The following CDC42BPA variants were observed in gnomAD, a reference collection of about 807,000 sequenced individuals.
CDC42BPA encodes CDC42 binding protein kinase alpha, also known as serine/threonine-protein kinase MRCK alpha.
In CDC42BPA, 80 loss-of-function variants were observed where a neutral mutation model predicts 223.5. That is an observed-to-expected ratio of 0.36 (90% CI 0.30 to 0.43). The LOEUF is 0.43. Among genes scored for constraint, CDC42BPA ranks in the 20% least tolerant of loss-of-function variants. CDC42BPA has a pLI of 1.00. For missense variants in CDC42BPA, 1,743 were observed against 2,099.9 expected (o/e 0.83, Z 3.32); for synonymous variants, 694 against 718.6 (o/e 0.97, Z 0.55).
At chr1:227,007,480 C>G (rs1558267036) in intron 34 of CDC42BPA, among the ~76,000 whole-genome samples, 1 of 152,096 alleles carries the variant, frequency 6.6e-6, no homozygotes, top group Non-Finnish European at 1.5e-5. Context: ...GTGAATTCAC[C>G]AGATACTAAT....
intron 5 of CDC42BPA, among the ~76,000 whole-genome samples, chr1:227,177,127 GA>G (rs141253636): frequency 0.034 from 1,909 of 56,438 alleles, 33 homozygotes; most frequent in Admixed American, 0.072. Flanking sequence ...AAAGATGTAA[GA>G]AAAAAAAAAT....
At chr1:227,090,515 G>A (rs922623851) in intron 16 of CDC42BPA, among the ~76,000 whole-genome samples, 7 of 152,050 alleles carry the variant, frequency 4.6e-5, no homozygotes, top group African/African-American at 1.2e-4. Context: ...TGGGCTGGGC[G>A]CAGTGGCTCA....
At chr1:227,182,017 G>C (rs1490375788) in intron 5 of CDC42BPA, among the ~76,000 whole-genome samples, 1 of 152,014 alleles carries the variant, frequency 6.6e-6, no homozygotes, top group Admixed American at 6.6e-5. Context: ...TTAAATATAA[G>C]GGGAAAATGA....
intron 3 of CDC42BPA, among the ~76,000 whole-genome samples, chr1:227,211,962 T>C (rs1232473083): frequency 6.6e-6 from 1 of 152,140 alleles, no homozygotes; most frequent in African/African-American, 2.4e-5. Flanking sequence ...AAAGTAATAA[T>C]GACCTCTGGG....
chr1:227,214,378 T>C (rs1197927415), intron 2 of CDC42BPA, among the ~76,000 whole-genome samples: 3 of 152,344 alleles, frequency 2.0e-5, no homozygotes, highest in East Asian at 1.9e-4. Flanking sequence ...ACTGTGATTA[T>C]AGTTTTTCAT....
At chr1:227,302,742 A>G (rs989908986) in intron 1 of CDC42BPA, among the ~76,000 whole-genome samples, 2 of 151,704 alleles carry the variant, frequency 1.3e-5, no homozygotes, top group Admixed American at 1.3e-4. Context: ...AATTCCTATC[A>G]TTCATCAGAT....
chr1:227,059,207 A>G (rs968329926), intron 21 of CDC42BPA, among the ~76,000 whole-genome samples: 3 of 152,178 alleles, frequency 2.0e-5, no homozygotes, highest in African/African-American at 7.2e-5. Context: ...AAACATAAAC[A>G]AAAACATAAA....
chr1:227,018,530 A>C (rs1387952609), intron 32 of CDC42BPA, among the ~76,000 whole-genome samples: 2 of 152,232 alleles, frequency 1.3e-5, no homozygotes, highest in East Asian at 3.8e-4. Context: ...GCATGGGAAA[A>C]GACAAGTCAG....
intron 21 of CDC42BPA, among the ~76,000 whole-genome samples, chr1:227,055,369 C>G (rs1294818010): frequency 6.6e-6 from 1 of 151,930 alleles, no homozygotes; most frequent in Non-Finnish European, 1.5e-5. Flanking sequence ...CTAATTTTAA[C>G]CACAATTAAA....
chr1:227,207,724 C>T (rs1317381910), intron 3 of CDC42BPA, among the ~76,000 whole-genome samples: 14 of 149,024 alleles, frequency 9.4e-5, no homozygotes, highest in Non-Finnish European at 3.0e-5. Flanking sequence ...CATAGTATTC[C>T]ATGGTGTATA....
intron 5 of CDC42BPA, among the ~76,000 whole-genome samples, chr1:227,171,646 C>A (rs780081490): frequency 2.8e-4 from 43 of 151,818 alleles, no homozygotes; most frequent in Non-Finnish European, 3.1e-4. Flanking sequence ...ACAACGATTA[C>A]ATTGAAAGGG....
intron 6 of CDC42BPA, among the ~76,000 whole-genome samples, chr1:227,152,912 G>C (rs962479755): frequency 1.3e-5 from 2 of 151,842 alleles, no homozygotes; most frequent in African/African-American, 4.8e-5. Flanking sequence ...AGAAACTTAA[G>C]GTAGCTACAG....
intron 34 of CDC42BPA, among the ~76,000 whole-genome samples, chr1:227,009,676 A>G (rs1664791646): frequency 6.6e-6 from 1 of 152,090 alleles, no homozygotes; most frequent in Non-Finnish European, 1.5e-5. Flanking sequence ...TCAGCCTCCC[A>G]AAGTGCTGGG....
intron 2 of CDC42BPA, among the ~76,000 whole-genome samples, chr1:227,248,483 A>C (rs894816721): frequency 1.5e-4 from 23 of 152,302 alleles, no homozygotes; most frequent in African/African-American, 5.5e-4. Context: ...AACAATCTGA[A>C]AAAGAAATGA....
At position 227,317,730 on chromosome 1, in the gene CDC42BPA, T is replaced by C. The variant is rs879878496; in HGVS notation, c.-548A>G. ...TGCTGCAAATCCTCCCAACCACCACTTGGATAATGCATCAGCGGCAATTTC... is the reference window on the plus strand; with the variant it reads ...TGCTGCAAATCCTCCCAACCACCACCTGGATAATGCATCAGCGGCAATTTC... On this transcript the variant is annotated 5_prime_UTR_variant, in exon 1 of 37. Transcript: ENST00000366766. 1.5e-4 allele frequency: 59 copies of C among 398,262 alleles called. No homozygotes were observed. The highest frequency in any genetic ancestry group is 2.3e-4 in the Non-Finnish European group (52 of 226,076). The allele number at this position is 398,262 out of a possible 1,614,324, so 24.7% of individuals were successfully genotyped here.
intron 1 of CDC42BPA, among the ~76,000 whole-genome samples, chr1:227,261,608 T>A (rs1448790865): frequency 6.9e-6 from 1 of 144,400 alleles, no homozygotes; most frequent in African/African-American, 2.9e-5. Flanking sequence ...TCCCCAAGAA[T>A]TAGAAATAAA....
At chr1:227,155,523 C>T (rs930220485) in intron 6 of CDC42BPA, among the ~76,000 whole-genome samples, 1 of 151,902 alleles carries the variant, frequency 6.6e-6, no homozygotes, top group Admixed American at 6.6e-5. Context: ...AGGATAGTAC[C>T]TATGCAGTAG....
chr1:227,026,328 T>C (rs1668243144), intron 30 of CDC42BPA, among the ~76,000 whole-genome samples, 176 bp from the exon 31 acceptor site: 2 of 152,102 alleles, frequency 1.3e-5, no homozygotes, highest in African/African-American at 4.8e-5. Flanking sequence ...ATATCGTAAA[T>C]GAGGAACTGG....
intron 5 of CDC42BPA, among the ~76,000 whole-genome samples, chr1:227,179,357 C>T (rs1288213160): frequency 6.6e-6 from 1 of 152,078 alleles, no homozygotes; most frequent in African/African-American, 2.4e-5. Flanking sequence ...TATTTTAAGG[C>T]CGGGCATGGT....
Sources: allele counts gnomAD v4.1 joint callset (sites outside exome capture counted in the v4.1 genomes callset), GRCh38; gene constraint gnomAD v4.1.1; transcripts MANE v1.5; gene names NCBI Gene and HGNC (gene_info 2026-07-23, HGNC 2026-07-21).